The following ST6GALNAC3 variants were observed in gnomAD, a reference collection of about 807,000 sequenced individuals.
The protein encoded by ST6GALNAC3 is ST6 N-acetylgalactosaminide alpha-2,6-sialyltransferase 3.
A neutral mutation model predicts 32.7 loss-of-function variants in ST6GALNAC3; 25 were observed. The ratio of observed to expected loss-of-function variants is 0.76; its 90% confidence interval spans 0.56 to 1.07. The LOEUF (loss-of-function observed/expected upper bound fraction) is 1.07, where lower values mean the gene tolerates loss of function less well. Among genes scored for constraint, ST6GALNAC3 ranks in the 50% least tolerant of loss-of-function variants. ST6GALNAC3 has a pLI of 0.00. For synonymous variants in ST6GALNAC3, 129 were observed against 133.1 expected (o/e 0.97, Z 0.21); for missense variants, 355 against 382.4 (o/e 0.93, Z 0.60).
chr1:76,498,272 A>G (rs1427281195), intron 3 of ST6GALNAC3, among the ~76,000 whole-genome samples: 1 of 152,184 alleles, frequency 6.6e-6, no homozygotes, highest in Non-Finnish European at 1.5e-5. Flanking sequence ...TTTATCATAA[A>G]TACAGCTGAT....
intron 2 of ST6GALNAC3, among the ~76,000 whole-genome samples, chr1:76,397,102 A>G (rs915531911): frequency 1.3e-5 from 2 of 152,132 alleles, no homozygotes; most frequent in African/African-American, 4.8e-5. Context: ...CAAACGAGAA[A>G]GGGATTTCAA....
chr1:76,611,740 T>A (rs939675716), intron 3 of ST6GALNAC3, among the ~76,000 whole-genome samples: 2 of 152,234 alleles, frequency 1.3e-5, no homozygotes, highest in African/African-American at 4.8e-5. Flanking sequence ...TGTTGCAATA[T>A]GAAATCAGGA....
rs527281255 is a variant in ST6GALNAC3, at chr1:76,171,906, A to G, written c.18+97022A>G. ...TTCACAGCTGAATTCTACCAGAAATACAAAGAGGAACTAGTCCCATTCCTT... is the reference window on the plus strand; with the variant it reads ...TTCACAGCTGAATTCTACCAGAAATGCAAAGAGGAACTAGTCCCATTCCTT... On this transcript the variant is annotated intron_variant, in intron 1 of 4. Coordinates refer to ENST00000328299, the MANE Select transcript of ST6GALNAC3 (RefSeq NM_152996.4). Among the ~76,000 whole-genome samples, 246 of 151,824 alleles carry G rather than the reference A, an allele frequency of 1.6e-3. 1 individual carries two copies. The highest frequency in any genetic ancestry group is 5.6e-3 in the African/African-American group (232 of 41,528).
intron 3 of ST6GALNAC3, among the ~76,000 whole-genome samples, chr1:76,532,463 T>C (rs1663318344): frequency 6.6e-6 from 1 of 152,094 alleles, no homozygotes; most frequent in African/African-American, 2.4e-5. Flanking sequence ...TCCCCTTCAC[T>C]CTGATTCCAC....
At chr1:76,450,170 T>A (rs1399439362) in intron 3 of ST6GALNAC3, among the ~76,000 whole-genome samples, 2 of 152,184 alleles carry the variant, frequency 1.3e-5, no homozygotes, top group African/African-American at 4.8e-5. Context: ...CTAGTGGTTG[T>A]ACTAATTTAC....
chr1:76,626,303 C>G (rs932335325), intron 3 of ST6GALNAC3, among the ~76,000 whole-genome samples: 1 of 151,794 alleles, frequency 6.6e-6, no homozygotes, highest in Non-Finnish European at 1.5e-5. Flanking sequence ...GAAGATAGAC[C>G]ATTTAATCTT....
chr1:76,210,424 A>G (rs1013979744), intron 1 of ST6GALNAC3, among the ~76,000 whole-genome samples: 4 of 152,168 alleles, frequency 2.6e-5, no homozygotes, highest in African/African-American at 9.7e-5. Context: ...CTTTTGTTCT[A>G]AATCTATGAT....
intron 1 of ST6GALNAC3, among the ~76,000 whole-genome samples, chr1:76,115,998 C>CTCTTGTTGT (rs1377347082): frequency 6.6e-6 from 1 of 152,122 alleles, no homozygotes; most frequent in African/African-American, 2.4e-5. Context: ...GCTCTGCTCT[C>CTCTTGTTGT]ATTAAGCTTG....
At chr1:76,095,194 A>G (rs1647109497) in intron 1 of ST6GALNAC3, among the ~76,000 whole-genome samples, 1 of 152,168 alleles carries the variant, frequency 6.6e-6, no homozygotes, top group Non-Finnish European at 1.5e-5. Context: ...TGGGCATAGT[A>G]ATCATATCTG....
At chr1:76,282,465 A>G (rs1477406655) in intron 1 of ST6GALNAC3, among the ~76,000 whole-genome samples, 1 of 152,168 alleles carries the variant, frequency 6.6e-6, no homozygotes, top group Non-Finnish European at 1.5e-5. Context: ...CATTATTAAT[A>G]TTGCCTAAAA....
At chr1:76,365,777 A>G (rs1439597597) in intron 2 of ST6GALNAC3, among the ~76,000 whole-genome samples, 3 of 152,182 alleles carry the variant, frequency 2.0e-5, no homozygotes. Context: ...TTGATAAACA[A>G]AGTCATTTAC....
intron 2 of ST6GALNAC3, among the ~76,000 whole-genome samples, chr1:76,342,396 G>T (rs990140085): frequency 1.3e-5 from 2 of 151,880 alleles, no homozygotes; most frequent in African/African-American, 2.4e-5. Flanking sequence ...TTTAATGATC[G>T]CCATTCTAAC....
chr1:76,109,952 G>A (rs149949291), intron 1 of ST6GALNAC3, among the ~76,000 whole-genome samples: 4 of 152,344 alleles, frequency 2.6e-5, no homozygotes, highest in African/African-American at 9.6e-5. Flanking sequence ...ATTTGAAAAT[G>A]TAATAGAGTG....
chr1:76,608,597 ATG>A (rs60960904), intron 3 of ST6GALNAC3, among the ~76,000 whole-genome samples: 16,249 of 134,834 alleles, frequency 0.12, 914 homozygotes, highest in Middle Eastern at 0.2. Context: ...TGAGCTGGAA[ATG>A]TGTGTGTGTG....
rs149251000 is a variant in ST6GALNAC3, at chr1:76,266,648, G to A, written c.19-47157G>A. Among the ~76,000 whole-genome samples, 1,131 of 152,240 alleles carry A rather than the reference G, an allele frequency of 7.4e-3. 9 individuals carry two copies. The highest frequency in any genetic ancestry group is 0.024 in the Middle Eastern group (7 of 294). On this transcript the variant is annotated intron_variant, in intron 1 of 4. Transcript: ENST00000328299. Reference sequence around the variant, plus strand: ...TCTTGTCTAACAATTGGCTTAGTAGGTGCTAACTCCAATTCTCATCTACCT... The same window carrying A: ...TCTTGTCTAACAATTGGCTTAGTAGATGCTAACTCCAATTCTCATCTACCT...
rs1044353265 is a variant in ST6GALNAC3, at chr1:76,402,125, G to A, written c.214-9883G>A. On this transcript the variant is annotated intron_variant, in intron 2 of 4. Transcript: ENST00000328299. The stretch of plus-strand genomic sequence containing the variant: ...TGTTGAAGTCAAAGTTCTCATGATG[G>A]TACTTTTTAACAATAATGAAGTTGA... 2.6e-5 allele frequency among the ~76,000 whole-genome samples: 4 copies of A among 152,008 alleles called. 1 individual carries two copies. The highest frequency in any genetic ancestry group is 4.1e-4 in the South Asian group (2 of 4,826).
intron 1 of ST6GALNAC3, among the ~76,000 whole-genome samples, chr1:76,104,967 C>T (rs2100785506): frequency 6.6e-6 from 1 of 152,188 alleles, no homozygotes; most frequent in Non-Finnish European, 1.5e-5. Context: ...AGTTACCTCC[C>T]ACTGGGTCCC....
chr1:76,529,243 G>C lies in ST6GALNAC3; in HGVS notation c.624-98209G>C, dbSNP rs181271560. 3.5e-3 allele frequency among the ~76,000 whole-genome samples: 539 copies of C among 152,254 alleles called. 2 individuals carry two copies. Among genetic ancestry groups the C allele is most frequent in the Non-Finnish European group, 6.0e-3 (411 of 68,020 alleles). On this transcript the variant is annotated intron_variant, in intron 3 of 4. Coordinates refer to ENST00000328299, the MANE Select transcript of ST6GALNAC3 (RefSeq NM_152996.4). ...CCACAAGTCTCTGTCATTCTTGGCTGCACGTGTTTCCTTGCTTGATTTATC... is the reference window on the plus strand; with the variant it reads ...CCACAAGTCTCTGTCATTCTTGGCTCCACGTGTTTCCTTGCTTGATTTATC...
intron 3 of ST6GALNAC3, among the ~76,000 whole-genome samples, chr1:76,522,727 G>C (rs1418015901): frequency 6.6e-6 from 1 of 152,122 alleles, no homozygotes. Flanking sequence ...ATTGAAGTGG[G>C]TCATGAAAGA....
Sources: allele counts gnomAD v4.1 joint callset (sites outside exome capture counted in the v4.1 genomes callset), GRCh38; gene constraint gnomAD v4.1.1; transcripts MANE v1.5; gene names NCBI Gene and HGNC (gene_info 2026-07-23, HGNC 2026-07-21).